SAMTOR: variants seen among roughly 807,000 people sequenced by gnomAD.
SAMTOR encodes the protein UPF0532 protein C7orf60.
At chr7:112,876,211 C>T in the SAMTOR span, among the ~76,000 whole-genome samples, 1 of 152,106 alleles carries the variant, frequency 6.6e-6, no homozygotes, top group Admixed American at 6.5e-5. Flanking sequence ...CTGCCTGTCT[C>T]AACCTTCCAA....
the SAMTOR span, among the ~76,000 whole-genome samples, chr7:112,880,102 ATTTC>A: frequency 7.9e-5 from 12 of 152,116 alleles, no homozygotes; most frequent in African/African-American, 2.7e-4. Flanking sequence ...CCTCCAGACA[ATTTC>A]TTTCAGTAGA....
At chr7:112,857,776 G>A in the SAMTOR span, among the ~76,000 whole-genome samples, 14 of 152,296 alleles carry the variant, frequency 9.2e-5, no homozygotes, top group Admixed American at 9.2e-4. Flanking sequence ...GCCCAGAGAG[G>A]CTTTCCAGAG....
At chr7:112,902,144 T>C in the SAMTOR span, among the ~76,000 whole-genome samples, 1 of 151,876 alleles carries the variant, frequency 6.6e-6, no homozygotes, top group African/African-American at 2.4e-5. Flanking sequence ...GGCTCATGCC[T>C]GTAATCCCAG....
the SAMTOR span, among the ~76,000 whole-genome samples, chr7:112,887,557 T>G: frequency 4.6e-5 from 7 of 152,162 alleles, no homozygotes; most frequent in African/African-American, 1.7e-4. Context: ...ATTTCACCAG[T>G]GAAAACATCT....
the SAMTOR span, among the ~76,000 whole-genome samples, chr7:112,887,888 T>C: frequency 5.3e-5 from 8 of 152,246 alleles, no homozygotes; most frequent in South Asian, 1.7e-3. Flanking sequence ...TCTTTTCAAA[T>C]GAAACCTTTT....
At chr7:112,866,674 C>T in the SAMTOR span, among the ~76,000 whole-genome samples, 1 of 152,154 alleles carries the variant, frequency 6.6e-6, no homozygotes, top group Non-Finnish European at 1.5e-5. Flanking sequence ...TTCTGTTGTA[C>T]CTCTTTAAAT....
chr7:112,918,620 A>G, the SAMTOR span, among the ~76,000 whole-genome samples: 1 of 152,184 alleles, frequency 6.6e-6, no homozygotes, highest in Non-Finnish European at 1.5e-5. Context: ...ATGTAAATGG[A>G]CTAAATGCTC....
chr7:112,922,349 C>T, the SAMTOR span, among the ~76,000 whole-genome samples: 7,268 of 152,238 alleles, frequency 0.048, 569 homozygotes, highest in African/African-American at 0.16. Context: ...CCCAAAGTGC[C>T]GAGATTGCAG....
chr7:112,865,274 C>T, the SAMTOR span, among the ~76,000 whole-genome samples: 4 of 151,948 alleles, frequency 2.6e-5, no homozygotes, highest in East Asian at 3.9e-4. Context: ...CACAGCAAGA[C>T]CCCCCATCTC....
At chr7:112,877,529 C>T in the SAMTOR span, among the ~76,000 whole-genome samples, 66 of 152,124 alleles carry the variant, frequency 4.3e-4, no homozygotes, top group African/African-American at 1.3e-3. Flanking sequence ...CCATCATATA[C>T]GAACATAAAT....
the SAMTOR span, among the ~76,000 whole-genome samples, chr7:112,872,353 A>G: frequency 6.6e-6 from 1 of 152,190 alleles, no homozygotes; most frequent in African/African-American, 2.4e-5. Context: ...TTCACCACAT[A>G]AACAGAATTA....
At chr7:112,835,793 T>A in the SAMTOR span, among the ~76,000 whole-genome samples, 1 of 152,154 alleles carries the variant, frequency 6.6e-6, no homozygotes, top group African/African-American at 2.4e-5. Flanking sequence ...GCTCCATCCA[T>A]GTTGCTAAAA....
the SAMTOR span, among the ~76,000 whole-genome samples, chr7:112,919,510 T>C: frequency 3.3e-5 from 5 of 151,680 alleles, no homozygotes; most frequent in African/African-American, 9.7e-5. Flanking sequence ...AGATCCAAAA[T>C]TGACACCCTA....
At chr7:112,924,089 T>C in the SAMTOR span, among the ~76,000 whole-genome samples, 9 of 151,792 alleles carry the variant, frequency 5.9e-5, no homozygotes, top group Non-Finnish European at 1.3e-4. Flanking sequence ...ATATACCTAA[T>C]GCTAAAGGAC....
At chr7:112,882,105 G>A in the SAMTOR span, among the ~76,000 whole-genome samples, 1 of 152,218 alleles carries the variant, frequency 6.6e-6, no homozygotes, top group Non-Finnish European at 1.5e-5. Flanking sequence ...GTGGTACACT[G>A]GATCCAGCAG....
At chr7:112,906,299 G>T in the SAMTOR span, among the ~76,000 whole-genome samples, 1 of 152,106 alleles carries the variant, frequency 6.6e-6, no homozygotes, top group South Asian at 2.1e-4. Context: ...CATAGAAAAG[G>T]TATAGTAAAA....
the SAMTOR span, among the ~76,000 whole-genome samples, chr7:112,867,887 A>T: frequency 2.0e-5 from 3 of 152,214 alleles, no homozygotes; most frequent in Non-Finnish European, 2.9e-5. Context: ...CGGGCTGCAT[A>T]GCAGGAGGTG....
chr7:112,857,897 G>A, the SAMTOR span, among the ~76,000 whole-genome samples: 1 of 152,138 alleles, frequency 6.6e-6, no homozygotes, highest in Non-Finnish European at 1.5e-5. Flanking sequence ...GCTTGTCAGG[G>A]TCAGAGTAGG....
the SAMTOR span, among the ~76,000 whole-genome samples, chr7:112,855,658 T>C: frequency 3.3e-5 from 5 of 152,324 alleles, no homozygotes; most frequent in African/African-American, 1.2e-4. Context: ...TAAATCCTTC[T>C]TATGTTTCAA....
Sources: allele counts gnomAD v4.1 joint callset (sites outside exome capture counted in the v4.1 genomes callset), GRCh38; gene constraint gnomAD v4.1.1; transcripts MANE v1.5; gene names NCBI Gene and HGNC (gene_info 2026-07-23, HGNC 2026-07-21).